Variants in ZDHHC21 observed in about 807,000 individuals in gnomAD.
ZDHHC21 encodes zDHHC palmitoyltransferase 21.
A neutral mutation model predicts 34.6 loss-of-function variants in ZDHHC21; 15 were observed. The observed-to-expected ratio is 0.43, with a 90% CI of 0.29 to 0.67. The LOEUF (loss-of-function observed/expected upper bound fraction) is 0.67, where lower values mean the gene tolerates loss of function less well. Ranked by LOEUF, ZDHHC21 falls within the 30% of genes least tolerant of loss-of-function variation. ZDHHC21 has a pLI of 0.14. For missense variants in ZDHHC21, 344 were observed against 327.7 expected (o/e 1.05, Z -0.38); for synonymous variants, 142 against 101.8 (o/e 1.40, Z -2.38).
At chr9:14,679,125 T>C (rs769821710) in intron 3 of ZDHHC21, among the ~76,000 whole-genome samples, 5 of 152,100 alleles carry the variant, frequency 3.3e-5, no homozygotes, top group African/African-American at 4.8e-5. Context: ...GATTGTTGCA[T>C]GTCATGGTAC....
downstream of ZDHHC21, among the ~76,000 whole-genome samples, chr9:14,608,084 A>G (rs1336109593): frequency 6.6e-6 from 1 of 152,180 alleles, no homozygotes; most frequent in Non-Finnish European, 1.5e-5. Context: ...AAAACCCTTC[A>G]TACTGGTTAC....
rs570533537 is a variant in ZDHHC21, at chr9:14,640,295, A to G, written c.505-283T>C. Among the ~76,000 whole-genome samples the G allele has an allele frequency of 2.9e-4, 39 of 134,296 alleles. 1 individual carries two copies. The South Asian group carries it at 9.3e-3, about 32-fold the overall frequency. 88.1% of individuals were successfully genotyped at this position (134,296 alleles called of 152,430 possible). On this transcript the variant is annotated intron_variant, in intron 7 of 9. Transcript: ENST00000380916. ...GCAAGTTAGCCTTGTTTGTTTTTTG[A>G]ACCTATTTTGGGGAAAAAAAAAAAA...
intron 7 of ZDHHC21, among the ~76,000 whole-genome samples, chr9:14,655,325 G>T (rs1307319155): frequency 6.6e-6 from 1 of 151,976 alleles, no homozygotes; most frequent in Non-Finnish European, 1.5e-5. Flanking sequence ...GAGAGAATTT[G>T]TTCCAAGAGA....
rs1564177415 is a variant in ZDHHC21 at position 14,615,693 on chromosome 9, G to A, written c.*3273C>T. 1 of 151,518 alleles carries A rather than the reference G, an allele frequency of 6.6e-6. No homozygotes were observed. The highest frequency in any genetic ancestry group is 1.5e-5 in the Non-Finnish European group (1 of 67,686). The allele number at this position is 151,518 out of a possible 1,614,324, so 9.4% of individuals were successfully genotyped here. ...TTTGCCTACAATCTTAAGCCTACATGAAGCCCATAAACATTTTTGTTTGCA... is the reference window on the plus strand; with the variant it reads ...TTTGCCTACAATCTTAAGCCTACATAAAGCCCATAAACATTTTTGTTTGCA... On this transcript the variant is annotated 3_prime_UTR_variant, in exon 10 of 10. Coordinates refer to ENST00000380916, the MANE Select transcript of ZDHHC21 (RefSeq NM_178566.6).
At chr9:14,688,489 G>C (rs1162501695) in intron 2 of ZDHHC21, among the ~76,000 whole-genome samples, 2 of 150,740 alleles carry the variant, frequency 1.3e-5, no homozygotes, top group South Asian at 2.1e-4. Flanking sequence ...TGGGAGGTGA[G>C]TAGGGGTAGG....
the ZDHHC21 span, among the ~76,000 whole-genome samples, chr9:14,605,204 A>T: frequency 4.1e-5 from 6 of 147,138 alleles, no homozygotes; most frequent in Non-Finnish European, 6.0e-5. Context: ...TCCTGGTTTC[A>T]TTTTTTTTTT....
chr9:14,608,058 A>G (rs148412997), downstream of ZDHHC21, among the ~76,000 whole-genome samples: 82 of 152,296 alleles, frequency 5.4e-4, no homozygotes, highest in African/African-American at 1.9e-3. Context: ...ATCAAGTTAC[A>G]AGTGCAGACC....
intron 8 of ZDHHC21, among the ~76,000 whole-genome samples, chr9:14,637,460 C>T (rs1157599252): frequency 1.3e-5 from 2 of 151,924 alleles, no homozygotes; most frequent in Non-Finnish European, 2.9e-5. Context: ...GCAAATTCTA[C>T]CAAGTGTTAA....
At chr9:14,652,763 G>C (rs746047825) in intron 7 of ZDHHC21, among the ~76,000 whole-genome samples, 3 of 151,956 alleles carry the variant, frequency 2.0e-5, no homozygotes, top group African/African-American at 7.2e-5. Flanking sequence ...TACAGGTTAA[G>C]TGCCATTACA....
chr9:14,648,218 C>T (rs1452826832), intron 7 of ZDHHC21, among the ~76,000 whole-genome samples: 1 of 152,090 alleles, frequency 6.6e-6, no homozygotes, highest in Non-Finnish European at 1.5e-5. Context: ...AACGCTTCTA[C>T]CACTACTAAT....
chr9:14,676,567 G>C (rs188301764), intron 3 of ZDHHC21, among the ~76,000 whole-genome samples: 51 of 151,976 alleles, frequency 3.4e-4, no homozygotes, highest in Non-Finnish European at 5.5e-4. Context: ...TTTAAATCCG[G>C]TATGTTCTAA....
the ZDHHC21 span, among the ~76,000 whole-genome samples, chr9:14,591,596 T>C: frequency 9.2e-5 from 14 of 152,308 alleles, no homozygotes; most frequent in Admixed American, 2.6e-4. Flanking sequence ...TGAAGTTATA[T>C]GAAATGTAAA....
chr9:14,624,923 T>G (rs1163602170), intron 8 of ZDHHC21, among the ~76,000 whole-genome samples: 2 of 152,110 alleles, frequency 1.3e-5, no homozygotes, highest in African/African-American at 4.8e-5. Context: ...CTATGTACAA[T>G]TATTATATAT....
At chr9:14,606,464 C>T (rs893375195), downstream of ZDHHC21, among the ~76,000 whole-genome samples, 2 of 152,154 alleles carry the variant, frequency 1.3e-5, no homozygotes, top group Non-Finnish European at 1.5e-5. Context: ...CATCAACCAT[C>T]AGGTATGCGA....
intron 2 of ZDHHC21, among the ~76,000 whole-genome samples, chr9:14,689,082 A>C (rs541701059): frequency 6.6e-6 from 1 of 152,268 alleles, no homozygotes; most frequent in African/African-American, 2.4e-5. Flanking sequence ...AACAACAAAA[A>C]ATGCCCCGTT....
the ZDHHC21 span, among the ~76,000 whole-genome samples, chr9:14,591,220 G>C: frequency 6.6e-6 from 1 of 152,134 alleles, no homozygotes; most frequent in African/African-American, 2.4e-5. Context: ...GAATGTTTCT[G>C]TCCCTTCCAA....
At position 14,619,294 on chromosome 9, in the gene ZDHHC21, T is replaced by C. The variant is rs948410313; in HGVS notation, c.666-196A>G. ...GATAGCAGATATTGTATCTGTGTCG[T>C]CAATCAACCGAGCGCAACTTTTGAA... On this transcript the variant is annotated intron_variant, in intron 9 of 9. Transcript: ENST00000380916. Among the ~76,000 whole-genome samples, 6 of 152,120 alleles carry C rather than the reference T, an allele frequency of 3.9e-5. 1 individual carries two copies. Among genetic ancestry groups the C allele is most frequent in the Non-Finnish European group, 8.8e-5 (6 of 68,014 alleles).
At position 14,663,717 on chromosome 9, in the gene ZDHHC21, C is replaced by T. The variant is rs557499894; in HGVS notation, c.254-1391G>A. 3.3e-5 allele frequency among the ~76,000 whole-genome samples: 5 copies of T among 151,786 alleles called. No homozygotes were observed. The South Asian group carries it at 1.0e-3, about 32-fold the overall frequency. ...TAAAACCTACATCAAATTAATTGTTCCAATAATATGAAAGTTGAGAAATTA... is the reference window on the plus strand; with the variant it reads ...TAAAACCTACATCAAATTAATTGTTTCAATAATATGAAAGTTGAGAAATTA... On this transcript the variant is annotated intron_variant, in intron 5 of 9. Coordinates refer to ENST00000380916, the MANE Select transcript of ZDHHC21 (RefSeq NM_178566.6).
chr9:14,614,890 T>C lies in ZDHHC21; in HGVS notation c.*4076A>G, dbSNP rs1823912420. 2 of 151,786 alleles carry C rather than the reference T, an allele frequency of 1.3e-5. No individual in the cohort carries two copies. Among genetic ancestry groups the C allele is most frequent in the South Asian group, 2.1e-4 (1 of 4,830 alleles). 9.4% of individuals were successfully genotyped at this position (151,786 alleles called of 1,614,324 possible). A position where few individuals can be genotyped will look rare whatever the true frequency, so the allele number is the denominator to read the frequency against. On this transcript the variant is annotated 3_prime_UTR_variant, in exon 10 of 10. Coordinates refer to ENST00000380916, the MANE Select transcript of ZDHHC21 (RefSeq NM_178566.6). ...AAATTCTAGATATATCTATGTATAT[T>C]AGAGGTCATGTCAGAAACTTATTCA...
Sources: allele counts gnomAD v4.1 joint callset (sites outside exome capture counted in the v4.1 genomes callset), GRCh38; gene constraint gnomAD v4.1.1; transcripts MANE v1.5; gene names NCBI Gene and HGNC (gene_info 2026-07-23, HGNC 2026-07-21).